The following CHN2 variants were observed in gnomAD, a reference collection of about 807,000 sequenced individuals.
CHN2 encodes the protein chimerin 2, also known as beta-chimaerin.
CHN2 carries 35 observed loss-of-function variants against 56.3 expected under a neutral mutation model. The ratio of observed to expected loss-of-function variants is 0.62; its 90% CI spans 0.47 to 0.82. The LOEUF is 0.82. Ranked by LOEUF, CHN2 falls within the 40% of genes least tolerant of loss-of-function variation. The probability of loss-of-function intolerance (pLI) is 0.00; values close to 1 mark genes in which losing one functional copy is unlikely to be tolerated. For synonymous variants in CHN2, 210 were observed against 212.8 expected, an observed-to-expected ratio of 0.99 and a Z score of 0.12; for missense variants, 491 against 580.5, an observed-to-expected ratio of 0.85 and a Z score of 1.58.
intron 1 of CHN2, among the ~76,000 whole-genome samples, chr7:29,213,645 G>T (rs886535110): frequency 6.6e-6 from 1 of 152,076 alleles, no homozygotes; most frequent in African/African-American, 2.4e-5. Context: ...TTGAGGTAAA[G>T]GGTTAAGCTG....
At chr7:29,335,096 A>G (rs1338788738) in intron 1 of CHN2, among the ~76,000 whole-genome samples, 2 of 152,220 alleles carry the variant, frequency 1.3e-5, no homozygotes, top group African/African-American at 4.8e-5. Flanking sequence ...AATCATCAGT[A>G]AACATTTCAA....
Position 29,337,933 on chromosome 7 carries a change from C to T in CHN2, c.50-16692C>T, listed in dbSNP as rs557316525. ...GCAAGTGATAAGAAACCACAGAACA[C>T]CAAAACCCAGAAGGAAAGGAAAACT... On this transcript the variant is annotated intron_variant, in intron 1 of 12. Transcript: ENST00000222792. 3.3e-5 allele frequency among the ~76,000 whole-genome samples: 5 copies of T among 151,828 alleles called. No homozygotes were observed. The South Asian group carries it at 1.0e-3, about 31-fold the overall frequency.
At chr7:29,236,691 C>T (rs245955) in intron 1 of CHN2, among the ~76,000 whole-genome samples, 35,858 of 152,154 alleles carry the variant, frequency 0.24, 4,723 homozygotes, top group East Asian at 0.53. Context: ...ACAAAGTTAC[C>T]AGCTTGCACT....
intron 1 of CHN2, among the ~76,000 whole-genome samples, chr7:29,260,354 A>G (rs1789433958): frequency 6.6e-6 from 1 of 152,340 alleles, no homozygotes; most frequent in East Asian, 1.9e-4. Flanking sequence ...TTTATTTTAT[A>G]AAATTCTTTG....
chr7:29,270,671 T>A (rs902150288), intron 1 of CHN2, among the ~76,000 whole-genome samples: 1 of 101,768 alleles, frequency 9.8e-6, no homozygotes, highest in Non-Finnish European at 1.9e-5. Flanking sequence ...TCTCAAAAAA[T>A]AATAATAAAA....
chr7:29,472,383 A>C (rs1440330314), intron 6 of CHN2, among the ~76,000 whole-genome samples: 1 of 150,950 alleles, frequency 6.6e-6, no homozygotes, highest in East Asian at 1.9e-4. Flanking sequence ...TTTTAGTGTG[A>C]CCCACAGAGC....
intron 6 of CHN2, among the ~76,000 whole-genome samples, chr7:29,457,463 G>A (rs958227581): frequency 6.6e-6 from 1 of 152,086 alleles, no homozygotes; most frequent in Non-Finnish European, 1.5e-5. Context: ...TTCTGGAAAC[G>A]GTCTGAGTGC....
At chr7:29,275,435 C>A (rs1791111172) in intron 1 of CHN2, among the ~76,000 whole-genome samples, 1 of 152,104 alleles carries the variant, frequency 6.6e-6, no homozygotes, top group Non-Finnish European at 1.5e-5. Flanking sequence ...TAACTTTGTA[C>A]CTGAGTGTTT....
chr7:29,254,409 T>C lies in CHN2; in HGVS notation c.49+59419T>C, dbSNP rs1788901269. Among the ~76,000 whole-genome samples, 7 of 152,152 alleles carry C rather than the reference T, an allele frequency of 4.6e-5. No homozygotes were observed. The South Asian group carries it at 1.5e-3, about 32-fold the overall frequency. On this transcript the variant is annotated intron_variant, in intron 1 of 12. Transcript: ENST00000222792. ...TAACTGAGACTTGCCTTTTCTCAAG[T>C]GAAATTTGAGGCATGTATCTCAAGC...
intron 2 of CHN2, among the ~76,000 whole-genome samples, chr7:29,358,590 G>A (rs1798498666): frequency 6.6e-6 from 1 of 151,926 alleles, no homozygotes; most frequent in Non-Finnish European, 1.5e-5. Context: ...AGCCTCCCGA[G>A]TAGCTGGGAC....
At chr7:29,265,508 G>A (rs971246171) in intron 1 of CHN2, among the ~76,000 whole-genome samples, 1 of 152,200 alleles carries the variant, frequency 6.6e-6, no homozygotes, top group Non-Finnish European at 1.5e-5. Flanking sequence ...TTTGTAAATT[G>A]CTTAAGAGAT....
intron 12 of CHN2, among the ~76,000 whole-genome samples, chr7:29,510,937 T>C (rs1791265709): frequency 1.8e-5 from 1 of 56,462 alleles, no homozygotes; most frequent in Non-Finnish European, 3.4e-5. Context: ...GACACTATTC[T>C]CCCTAAACCT....
At chr7:29,227,590 C>G (rs1786311584) in intron 1 of CHN2, among the ~76,000 whole-genome samples, 1 of 152,160 alleles carries the variant, frequency 6.6e-6, no homozygotes, top group African/African-American at 2.4e-5. Context: ...ATTGCTCTAG[C>G]TTTTGCTTGC....
intron 7 of CHN2, among the ~76,000 whole-genome samples, chr7:29,485,858 C>A (rs149389372): frequency 6.6e-6 from 1 of 152,090 alleles, no homozygotes; most frequent in African/African-American, 2.4e-5. Context: ...CCTCTCCAGT[C>A]TGCATGGGGA....
In CHN2 at chr7:29,419,362, C is replaced by T. The variant is rs116176849; in HGVS notation, c.576+18534C>T. 3.6e-3 allele frequency among the ~76,000 whole-genome samples: 552 copies of T among 152,162 alleles called. 3 individuals are homozygous for T. Among genetic ancestry groups the T allele is most frequent in the African/African-American group, 0.013 (523 of 41,498 alleles). Reference sequence around the variant, plus strand: ...ATTTATTAACTACCTACACATAAGACCTAAAATTATAGAACTCCTAGAAGA... The same window carrying T: ...ATTTATTAACTACCTACACATAAGATCTAAAATTATAGAACTCCTAGAAGA... On this transcript the variant is annotated intron_variant, in intron 6 of 12. Transcript: ENST00000222792.
intron 7 of CHN2, among the ~76,000 whole-genome samples, chr7:29,489,181 G>A (rs1052833411): frequency 3.3e-5 from 5 of 152,204 alleles, no homozygotes; most frequent in Non-Finnish European, 5.9e-5. Context: ...TTTTTGCAAA[G>A]TAGCCATTCC....
chr7:29,449,422 G>C (rs2128129652), intron 6 of CHN2, among the ~76,000 whole-genome samples: 1 of 152,188 alleles, frequency 6.6e-6, no homozygotes, highest in South Asian at 2.1e-4. Context: ...GAGGTAAATA[G>C]GCATCATTTT....
At chr7:29,399,216 G>A (rs1802007518) in intron 5 of CHN2, among the ~76,000 whole-genome samples, 1 of 152,142 alleles carries the variant, frequency 6.6e-6, no homozygotes, top group African/African-American at 2.4e-5. Flanking sequence ...ACCTCTGCCT[G>A]CACCATCTAG....
chr7:29,455,431 A>G (rs558216071), intron 6 of CHN2, among the ~76,000 whole-genome samples: 4 of 152,156 alleles, frequency 2.6e-5, no homozygotes, highest in Non-Finnish European at 4.4e-5. Flanking sequence ...CTGAAAGGTA[A>G]CAGATGTGCC....
Sources: gnomAD v4.1 joint callset for allele counts (sites outside exome capture counted in the v4.1 genomes callset) on GRCh38, gnomAD v4.1.1 for gene constraint, MANE v1.5 for transcripts, NCBI Gene and HGNC (gene_info 2026-07-23, HGNC 2026-07-21) for gene names.